P2RX5: variants seen among roughly 807,000 people sequenced by gnomAD.
The protein encoded by P2RX5 is purinergic receptor P2X 5.
In P2RX5, 46 loss-of-function variants were observed where a neutral mutation model predicts 54.1. That is an observed-to-expected ratio of 0.85 (90% CI 0.67 to 1.09). The LOEUF (loss-of-function observed/expected upper bound fraction) is 1.09. P2RX5 is among the 50% of genes least tolerant of loss of function. The pLI is 0.00. For missense variants in P2RX5, 566 were observed against 549.8 expected (o/e 1.03, Z -0.29); for synonymous variants, 226 against 226.4 (o/e 1.00, Z 0.02).
rs533262332 is a variant in P2RX5, at chr17:3,690,842, C to A, written c.360+114G>T. 2.1e-4 allele frequency: 239 copies of A among 1,157,910 alleles called. 1 individual carries two copies. The East Asian group carries it at 6.0e-3, about 29-fold the overall frequency. 71.7% of individuals were successfully genotyped at this position (1,157,910 alleles called of 1,614,324 possible). On this transcript the variant is annotated intron_variant, in intron 3 of 11. Coordinates refer to ENST00000225328, the MANE Select transcript of P2RX5 (RefSeq NM_002561.4). ...TGCAGGAACCACACCCGGGTGCACA[C>A]AGCCACCCGAGACCCTTGGAGTGGA...
intron 9 of P2RX5, among the ~76,000 whole-genome samples, chr17:3,683,661 C>T (rs1479254654): frequency 6.8e-6 from 1 of 146,788 alleles, no homozygotes; most frequent in African/African-American, 2.5e-5. Context: ...GCCTGGGAGG[C>T]AGAGGCTGCA....
At position 3,673,620 on chromosome 17, in the gene P2RX5, G is replaced by A. The variant is rs1338825634; in HGVS notation, c.*248C>T. ...TTCCCTAGTGCGGGAAGCCAGCCAC[G>A]GAGAAAGGAAGAACTGACGGCAGGG... is the stretch of plus-strand genomic sequence containing the variant. On this transcript the variant is annotated 3_prime_UTR_variant, in exon 12 of 12. Transcript: ENST00000225328. The A allele has an allele frequency of 2.1e-6, 3 of 1,422,870 alleles. No homozygotes were observed. The highest frequency in any genetic ancestry group is 1.5e-5 in the South Asian group (1 of 66,476). 88.1% of individuals were successfully genotyped at this position (1,422,870 alleles called of 1,614,324 possible). A position where few individuals can be genotyped will look rare whatever the true frequency, so the allele number is the denominator to read the frequency against.
chr17:3,720,281 C>A, the P2RX5 span: 1 of 1,163,372 alleles, frequency 8.6e-7, no homozygotes. Context: ...TCCTTGGGCA[C>A]TACTCAGAAG....
intron 9 of P2RX5, among the ~76,000 whole-genome samples, chr17:3,685,838 A>G (rs181590332): frequency 1.0e-3 from 8 of 7,964 alleles, no homozygotes; most frequent in Non-Finnish European, 5.4e-3. Flanking sequence ...GACCCTCCCA[A>G]CGTCCCCCGC....
At chr17:3,676,180 T>C (rs566415389) in intron 11 of P2RX5, 33 of 985,366 alleles carry the variant, frequency 3.3e-5, no homozygotes, top group Non-Finnish European at 3.9e-5. Context: ...GTTTCTCACC[T>C]TGGGTTTACG....
chr17:3,700,511 C>T (rs573273844), upstream of P2RX5, among the ~76,000 whole-genome samples: 49 of 148,584 alleles, frequency 3.3e-4, no homozygotes, highest in Admixed American at 5.4e-4. Flanking sequence ...CCAGCCTGGG[C>T]GACAGAGTGA....
chr17:3,673,617 C>A lies in P2RX5; in HGVS notation c.*251G>T. On this transcript the variant is annotated 3_prime_UTR_variant, in exon 12 of 12. Coordinates refer to ENST00000225328, the MANE Select transcript of P2RX5 (RefSeq NM_002561.4). ...CCGTTCCCTAGTGCGGGAAGCCAGCCACGGAGAAAGGAAGAACTGACGGCA... is the reference window on the plus strand; with the variant it reads ...CCGTTCCCTAGTGCGGGAAGCCAGCAACGGAGAAAGGAAGAACTGACGGCA... 7.0e-7 allele frequency: 1 copy of A among 1,422,426 alleles called. No homozygotes were observed. Among genetic ancestry groups the A allele is most frequent in the East Asian group, 2.6e-5 (1 of 38,936 alleles). The allele number at this position is 1,422,426 out of a possible 1,614,324, so 88.1% of individuals were successfully genotyped here.
Position 3,679,607 on chromosome 17 carries a change from C to A in P2RX5, c.1242G>T (p.Gln414His), listed in dbSNP as rs771421479. ...GGCCTCACCTGTGGGGCTCCAGGAG[C>A]TGTGGGCACACAGATCCGTTCCCCT... ...SQKGNGSVCP[Q>H]LLEPHRST The change falls in exon 11 of 12, where the codon CAG becomes CAT. Residue 414 changes from glutamine to histidine, a missense_variant. Transcript: ENST00000225328. The A allele has an allele frequency of 6.2e-7, 1 of 1,607,696 alleles. No homozygotes were observed. The highest frequency in any genetic ancestry group is 1.1e-5 in the South Asian group (1 of 91,094).
the P2RX5 span, among the ~76,000 whole-genome samples, chr17:3,711,637 G>T: frequency 2.6e-5 from 4 of 151,992 alleles, no homozygotes; most frequent in Non-Finnish European, 5.9e-5. Context: ...CCACGTCGGC[G>T]CCTCCCGAAG....
intron 2 of P2RX5, among the ~76,000 whole-genome samples, chr17:3,691,367 C>G (rs1174611036): frequency 6.6e-6 from 1 of 152,234 alleles, no homozygotes; most frequent in Non-Finnish European, 1.5e-5. Flanking sequence ...GCCAGCCCAC[C>G]TGACTCACAA....
chr17:3,719,234 T>TAAAAAAAAAAAAAAAAAAA, the P2RX5 span, among the ~76,000 whole-genome samples: 2 of 34,826 alleles, frequency 5.7e-5, no homozygotes, highest in African/African-American at 1.2e-4. Flanking sequence ...AGATTCTTCC[T>TAAAAAAAAAAAAAAAAAAA]CAAAAAAAAA....
At chr17:3,677,522 C>T (rs1424920823) in intron 11 of P2RX5, 1 of 985,422 alleles carries the variant, frequency 1.0e-6, no homozygotes, top group Non-Finnish European at 1.2e-6. Flanking sequence ...GCCCAAATGT[C>T]CCCTTGGGTG....
chr17:3,679,887 C>T (rs2050191695), intron 10 of P2RX5, 103 bp from the exon 11 acceptor site: 5 of 984,920 alleles, frequency 5.1e-6, no homozygotes, highest in Non-Finnish European at 7.8e-6. Context: ...TGCAGGCCGC[C>T]ACCCTGCTTC....
chr17:3,677,165 G>A (rs914395888), intron 11 of P2RX5: 7 of 985,300 alleles, frequency 7.1e-6, no homozygotes, highest in African/African-American at 3.5e-5. Context: ...AGGTGGGGAC[G>A]GAGGGAGGGG....
At chr17:3,715,122 G>A in the P2RX5 span, among the ~76,000 whole-genome samples, 1 of 152,028 alleles carries the variant, frequency 6.6e-6, no homozygotes, top group African/African-American at 2.4e-5. Context: ...AAGACCTCTG[G>A]TGCTCATCCC....
At chr17:3,678,946 T>C (rs916894248) in intron 11 of P2RX5, among the ~76,000 whole-genome samples, 2 of 152,050 alleles carry the variant, frequency 1.3e-5, no homozygotes, top group Non-Finnish European at 2.9e-5. Context: ...CTGAGCCTCG[T>C]CTGCAGAGAA....
At chr17:3,696,882 G>A (rs954540722), upstream of P2RX5, among the ~76,000 whole-genome samples, 1 of 152,148 alleles carries the variant, frequency 6.6e-6, no homozygotes, top group Non-Finnish European at 1.5e-5. Flanking sequence ...CTCGCGCCAG[G>A]TCTCCTGCCA....
At chr17:3,680,105 GTCCTCCACCCTGCATCCTCCACCCTGCA>G (rs1421502244) in intron 10 of P2RX5, among the ~76,000 whole-genome samples, 1 of 119,322 alleles carries the variant, frequency 8.4e-6, no homozygotes. Context: ...TCCACCCAGC[GTCCTCCACCCTGCATCCTCCACCCTGCA>G]TCCTCCACCC....
At chr17:3,685,380 C>G (rs1221762865) in intron 9 of P2RX5, 1 of 153,216 alleles carries the variant, frequency 6.5e-6, no homozygotes, top group African/African-American at 2.4e-5. Flanking sequence ...TTTCCCACGC[C>G]TATTCTGATC....
Sources: allele counts gnomAD v4.1 joint callset (sites outside exome capture counted in the v4.1 genomes callset), GRCh38; gene constraint gnomAD v4.1.1; transcripts MANE v1.5; gene names NCBI Gene and HGNC (gene_info 2026-07-23, HGNC 2026-07-21).